The following PAK3 variants were observed in gnomAD, a reference collection of about 807,000 sequenced individuals.
PAK3 encodes the protein p21 (RAC1) activated kinase 3, also known as serine/threonine-protein kinase PAK 3.
In PAK3, 4 loss-of-function variants were observed where a neutral mutation model predicts 41.0. That is an observed-to-expected ratio of 0.10 (90% confidence interval 0.05 to 0.22). The LOEUF (loss-of-function observed/expected upper bound fraction) is 0.22. Ranked by LOEUF, PAK3 falls within the 10% of genes least tolerant of loss-of-function variation. The probability of loss-of-function intolerance (pLI) is 1.00; values close to 1 mark genes in which losing one functional copy is unlikely to be tolerated. For synonymous variants in PAK3, 146 were observed against 139.6 expected (o/e 1.05, Z -0.32); for missense variants, 205 against 409.9 (o/e 0.50, Z 4.32).
intron 4 of PAK3, among the ~76,000 whole-genome samples, chrX:111,112,567 T>C (rs762077365): frequency 6.8e-4 from 75 of 110,449 alleles, no homozygotes; most frequent in Non-Finnish European, 1.2e-3. Flanking sequence ...CAGGCACCAT[T>C]AGCTACCCTT....
chrX:111,138,193 G>A (rs147908023), intron 5 of PAK3, among the ~76,000 whole-genome samples: 10,819 of 109,870 alleles, frequency 0.098, 1,329 homozygotes, highest in African/African-American at 0.34. Flanking sequence ...TAACCCCAAT[G>A]AGTCCCACTT....
intron 4 of PAK3, among the ~76,000 whole-genome samples, chrX:111,115,198 G>A (rs2093440690): frequency 1.8e-5 from 2 of 112,266 alleles, no homozygotes; most frequent in Non-Finnish European, 3.8e-5. Flanking sequence ...CAACCAGGTA[G>A]TAAAATAATA....
intron 1 of PAK3, among the ~76,000 whole-genome samples, chrX:110,973,506 G>A (rs1296610068): frequency 2.7e-5 from 3 of 111,630 alleles, no homozygotes; most frequent in African/African-American, 9.8e-5. Context: ...TTACAGACAA[G>A]CAAATGCTGA....
At chrX:111,065,449 C>T (rs1242127510) in intron 1 of PAK3, among the ~76,000 whole-genome samples, 9 of 110,612 alleles carry the variant, frequency 8.1e-5, no homozygotes, top group Non-Finnish European at 1.7e-4. Flanking sequence ...CTGCTGGATT[C>T]GGTTTGCTAG....
chrX:111,030,021 T>A (rs1410832622), intron 1 of PAK3, among the ~76,000 whole-genome samples: 1 of 112,109 alleles, frequency 8.9e-6, no homozygotes, highest in Admixed American at 9.5e-5. Flanking sequence ...TTTTATGCAG[T>A]CATGATTTAA....
chrX:111,154,055 C>T (rs1431134862), intron 8 of PAK3, among the ~76,000 whole-genome samples: 1 of 112,087 alleles, frequency 8.9e-6, no homozygotes, highest in East Asian at 2.8e-4. Flanking sequence ...AGGGTATATA[C>T]TGTATGATTC....
At chrX:111,074,184 T>C (rs1449783954) in intron 1 of PAK3, among the ~76,000 whole-genome samples, 1 of 111,823 alleles carries the variant, frequency 8.9e-6, no homozygotes, top group Non-Finnish European at 1.9e-5. Context: ...TCTAAATACA[T>C]TAGGTTTAGA....
intron 6 of PAK3, among the ~76,000 whole-genome samples, chrX:111,144,595 G>A (rs183998343): frequency 2.7e-5 from 3 of 111,306 alleles, no homozygotes; most frequent in Admixed American, 9.6e-5. Context: ...TTTGATTATC[G>A]TGGTTGTTGA....
chrX:111,122,928 G>A, intron 4 of PAK3, 149 bp from the exon 5 acceptor site: 1 of 478,385 alleles, frequency 2.1e-6, no homozygotes, highest in Middle Eastern at 5.9e-4. Context: ...CTTCCCTCCA[G>A]AAGAGAAACC....
intron 3 of PAK3, among the ~76,000 whole-genome samples, chrX:111,100,984 A>G (rs1034850038): frequency 8.9e-6 from 1 of 112,329 alleles, no homozygotes; most frequent in Non-Finnish European, 1.9e-5. Context: ...TGGCATAAAG[A>G]TATGACACAA....
chrX:111,028,943 G>GA (rs990455579), intron 1 of PAK3, among the ~76,000 whole-genome samples: 2 of 109,849 alleles, frequency 1.8e-5, no homozygotes, highest in African/African-American at 6.6e-5. Context: ...GACCAGCCTG[G>GA]AAAAAATAGG....
chrX:110,972,091 T>C (rs2091219932), intron 1 of PAK3, among the ~76,000 whole-genome samples: 1 of 111,564 alleles, frequency 9.0e-6, no homozygotes, highest in Non-Finnish European at 1.9e-5. Flanking sequence ...CACACACACA[T>C]ATATATACAT....
At position 111,227,168 on chromosome X, in the gene PAK3, A is replaced by G. The variant is rs193035764; in HGVS notation, c.*6721A>G. On this transcript the variant is annotated 3_prime_UTR_variant, in exon 18 of 18. Transcript: ENST00000372007. ...TTTCTTTTGTAGACCTGCTGATGGT[A>G]TGGTTCCATCCTTCTGACCTCAGCA... 2 of 112,200 alleles carry G rather than the reference A, an allele frequency of 1.8e-5. No individual in the cohort carries two copies. Among genetic ancestry groups the G allele is most frequent in the Admixed American group, 1.9e-4 (2 of 10,563 alleles). The allele number at this position is 112,200 out of a possible 1,213,427, so 9.2% of individuals were successfully genotyped here.
chrX:111,155,774 G>A (rs1358143508), intron 8 of PAK3, among the ~76,000 whole-genome samples: 1 of 111,610 alleles, frequency 9.0e-6, no homozygotes, highest in Non-Finnish European at 1.9e-5. Context: ...AAGATGGGAA[G>A]GGCATTTTAA....
chrX:111,142,247 G>A lies in PAK3; in HGVS notation c.276+51G>A, dbSNP rs1556038965. The A allele has an allele frequency of 4.1e-6, 3 of 735,088 alleles. No individual in the cohort carries two copies. The East Asian group carries it at 9.5e-5, about 23-fold the overall frequency. 60.6% of individuals were successfully genotyped at this position (735,088 alleles called of 1,213,427 possible). ...GTAAGCCACGAAAGAATTCCTTTGT[G>A]AAAATAGTTTTCAAGCAAGAATTGC... On this transcript the variant is annotated intron_variant, in intron 6 of 17. Transcript: ENST00000372007.
At chrX:111,165,023 C>T (rs1884555) in intron 10 of PAK3, among the ~76,000 whole-genome samples, 16,716 of 110,876 alleles carry the variant, frequency 0.15, 2,641 homozygotes, top group African/African-American at 0.48. Context: ...GATTCAGAGA[C>T]TGCTAGTAGC....
intron 10 of PAK3, among the ~76,000 whole-genome samples, chrX:111,170,311 C>A (rs1603344156): frequency 9.1e-6 from 1 of 109,965 alleles, no homozygotes; most frequent in Non-Finnish European, 1.9e-5. Context: ...ATTATAACAA[C>A]CCATATATTA....
intron 1 of PAK3, among the ~76,000 whole-genome samples, chrX:111,034,909 T>C (rs1343189508): frequency 9.2e-6 from 1 of 108,627 alleles, no homozygotes; most frequent in Non-Finnish European, 1.9e-5. Flanking sequence ...AAGACCAGCC[T>C]AGGCAGCTAG....
intron 1 of PAK3, among the ~76,000 whole-genome samples, chrX:110,954,407 G>A (rs2090810511): frequency 8.9e-6 from 1 of 112,447 alleles, no homozygotes; most frequent in Admixed American, 9.4e-5. Context: ...ATTTTACAGA[G>A]GAGGGAACTA....
Sources: allele counts gnomAD v4.1 joint callset (sites outside exome capture counted in the v4.1 genomes callset), GRCh38; gene constraint gnomAD v4.1.1; transcripts MANE v1.5; gene names NCBI Gene and HGNC (gene_info 2026-07-23, HGNC 2026-07-21).